The following CDKL3 variants were observed in gnomAD, a reference collection of about 807,000 sequenced individuals.
CDKL3 encodes the protein cyclin-dependent kinase-like 3.
CDKL3 carries 65 observed loss-of-function variants against 69.3 expected under a neutral mutation model. The observed-to-expected ratio is 0.94, with a 90% CI of 0.77 to 1.15. CDKL3 has a LOEUF of 1.15. Among genes scored for constraint, CDKL3 ranks in the 50% most tolerant of loss-of-function variants. The pLI, the probability that CDKL3 is intolerant of heterozygous loss-of-function variation, is 0.00. For synonymous variants in CDKL3, 202 were observed against 221.6 expected (o/e 0.91, Z 0.79); for missense variants, 652 against 689.2 (o/e 0.95, Z 0.61).
chr5:134,308,332 A>G lies in CDKL3; in HGVS notation c.1170T>C (p.Asn390=). ...TTGTATCTGGAGACATAGGATGAACATTTTCATTTGCATCCTGTTGACCAA... is the reference window on the plus strand; with the variant it reads ...TTGTATCTGGAGACATAGGATGAACGTTTTCATTTGCATCCTGTTGACCAA... ...GGLGQQDANE[N]VHPMSPDTKL... is the part of the protein sequence containing the mutation. The change falls in exon 9 of 13, where the codon AAT becomes AAC. Residue 390 remains asparagine (N), a synonymous_variant. Coordinates refer to ENST00000265334, the MANE Select transcript of CDKL3 (RefSeq NM_001113575.2). 2.5e-6 allele frequency: 4 copies of G among 1,613,882 alleles called. No homozygotes were observed. The highest frequency in any genetic ancestry group is 3.4e-6 in the Non-Finnish European group (4 of 1,179,848).
intron 12 of CDKL3, among the ~76,000 whole-genome samples, chr5:134,299,104 C>T (rs764600323): frequency 1.5e-4 from 23 of 152,132 alleles, no homozygotes; most frequent in Non-Finnish European, 3.1e-4. Flanking sequence ...GAACTCCTGG[C>T]CTCATGATCC....
Position 134,319,257 on chromosome 5 carries a change from G to T in CDKL3, c.792+101C>A, listed in dbSNP as rs1033730241. On this transcript the variant is annotated intron_variant, in intron 6 of 12. Transcript: ENST00000265334. ...GAGGCAGGAGAATCTCATGACCTGGGAGTCAGAGGTTGCAGTGAGCCGAGA... is the reference window on the plus strand; with the variant it reads ...GAGGCAGGAGAATCTCATGACCTGGTAGTCAGAGGTTGCAGTGAGCCGAGA... The T allele has an allele frequency of 7.4e-6, 6 of 811,604 alleles. No individual in the cohort carries two copies. In the African/African-American group the frequency reaches 9.2e-5, roughly 12 times the overall value. 50.3% of individuals were successfully genotyped at this position (811,604 alleles called of 1,614,324 possible). A position where few individuals can be genotyped will look rare whatever the true frequency, so the allele number is the denominator to read the frequency against.
chr5:134,369,045 C>T (rs1758045654), upstream of CDKL3, among the ~76,000 whole-genome samples: 1 of 152,110 alleles, frequency 6.6e-6, no homozygotes, highest in Non-Finnish European at 1.5e-5. Context: ...AAAAAATTTG[C>T]CCAGGACAAA....
downstream of CDKL3, among the ~76,000 whole-genome samples, chr5:134,294,675 T>TAGGA (rs564757228): frequency 2.3e-4 from 34 of 148,948 alleles, no homozygotes; most frequent in East Asian, 5.9e-3. Flanking sequence ...GAAAGGAAGG[T>TAGGA]AGGAAGGAAG....
At chr5:134,339,705 G>T (rs2149555525) in intron 4 of CDKL3, among the ~76,000 whole-genome samples, 1 of 152,260 alleles carries the variant, frequency 6.6e-6, no homozygotes, top group Admixed American at 6.5e-5. Context: ...TAAAAGGGCA[G>T]AAATTACACG....
At chr5:134,302,034 T>G in intron 12 of CDKL3, 1 of 406,564 alleles carries the variant, frequency 2.5e-6, no homozygotes, top group Non-Finnish European at 4.9e-6. Flanking sequence ...CTTAAAAGAC[T>G]GTCTTTATAG....
At chr5:134,315,227 T>A (rs1217206831) in intron 6 of CDKL3, among the ~76,000 whole-genome samples, 1 of 152,070 alleles carries the variant, frequency 6.6e-6, no homozygotes, top group Non-Finnish European at 1.5e-5. Context: ...AAAAAAAGCA[T>A]ATTGCAAGTT....
chr5:134,364,934 G>A (rs1242249748), intron 2 of CDKL3, among the ~76,000 whole-genome samples: 6 of 150,788 alleles, frequency 4.0e-5, no homozygotes, highest in Non-Finnish European at 7.4e-5. Context: ...AGCCTCCTAA[G>A]TAGCTGGGAT....
intron 3 of CDKL3, among the ~76,000 whole-genome samples, chr5:134,356,143 G>A (rs1326968170): frequency 6.6e-6 from 1 of 152,202 alleles, no homozygotes; most frequent in Non-Finnish European, 1.5e-5. Flanking sequence ...GGTCCTAACT[G>A]GGGGTTATGA....
intron 4 of CDKL3, among the ~76,000 whole-genome samples, chr5:134,331,537 T>C (rs967239579): frequency 1.3e-5 from 2 of 152,110 alleles, no homozygotes; most frequent in Admixed American, 6.6e-5. Context: ...CTCCCACTTA[T>C]GAGAACATGT....
upstream of CDKL3, chr5:134,371,256 T>C (rs989373598): frequency 6.6e-5 from 26 of 393,798 alleles, no homozygotes; most frequent in Middle Eastern, 7.6e-4. Context: ...TTTCGTGGTC[T>C]TTGAATCCAC....
intron 9 of CDKL3, among the ~76,000 whole-genome samples, chr5:134,307,444 T>A (rs1368288725): frequency 6.6e-6 from 1 of 152,220 alleles, no homozygotes; most frequent in Non-Finnish European, 1.5e-5. Flanking sequence ...CATGGACATG[T>A]CCACTTGCTC....
Position 134,335,157 on chromosome 5 carries a change from C to T in CDKL3, c.540-13254G>A, listed in dbSNP as rs1398592439. Reference sequence around the variant, plus strand: ...CAACCTCTGCTTTTTTTTTTTTTTTCCGCTTTCCATTTGCTTGGTAGATCT... The same window carrying T: ...CAACCTCTGCTTTTTTTTTTTTTTTTCGCTTTCCATTTGCTTGGTAGATCT... On this transcript the variant is annotated intron_variant, in intron 4 of 12. Coordinates refer to ENST00000265334, the MANE Select transcript of CDKL3 (RefSeq NM_001113575.2). Among the ~76,000 whole-genome samples the T allele has an allele frequency of 4.5e-3, 522 of 117,026 alleles. 4 individuals are homozygous for T. Among genetic ancestry groups the T allele is most frequent in the African/African-American group, 0.015 (470 of 31,624 alleles). 76.8% of individuals were successfully genotyped at this position (117,026 alleles called of 152,430 possible).
intron 11 of CDKL3, among the ~76,000 whole-genome samples, chr5:134,303,676 C>T (rs563432208): frequency 4.6e-5 from 7 of 151,284 alleles, no homozygotes; most frequent in East Asian, 1.9e-4. Context: ...GAACCCCCCC[C>T]CCGTCTCTAC....
intron 4 of CDKL3, among the ~76,000 whole-genome samples, chr5:134,326,827 A>ATGTGTGTGTG (rs778337033): frequency 9.7e-6 from 1 of 103,122 alleles, no homozygotes; most frequent in Non-Finnish European, 1.7e-5. Context: ...GTATATATAT[A>ATGTGTGTGTG]TATATATATA....
At chr5:134,322,579 C>T (rs898550191) in intron 4 of CDKL3, among the ~76,000 whole-genome samples, 11 of 152,272 alleles carry the variant, frequency 7.2e-5, no homozygotes, top group African/African-American at 2.6e-4. Context: ...CACTGCAGCA[C>T]TGTTCGTAGA....
intron 7 of CDKL3, among the ~76,000 whole-genome samples, chr5:134,309,833 C>G (rs994895205): frequency 6.6e-6 from 1 of 152,166 alleles, no homozygotes; most frequent in Non-Finnish European, 1.5e-5. Flanking sequence ...AATTCAATAA[C>G]TGGCATCTTT....
intron 4 of CDKL3, among the ~76,000 whole-genome samples, chr5:134,334,442 G>T (rs1202666135): frequency 6.6e-6 from 1 of 152,096 alleles, no homozygotes; most frequent in East Asian, 1.9e-4. Context: ...TTTCTCTTAT[G>T]GGCACTTAGT....
chr5:134,363,026 A>G (rs1489523419), intron 2 of CDKL3, among the ~76,000 whole-genome samples: 1 of 152,188 alleles, frequency 6.6e-6, no homozygotes, highest in East Asian at 1.9e-4. Context: ...ACACATATTC[A>G]AGTTCATCTC....
Sources: gnomAD v4.1 joint callset for allele counts (sites outside exome capture counted in the v4.1 genomes callset) on GRCh38, gnomAD v4.1.1 for gene constraint, MANE v1.5 for transcripts, NCBI Gene and HGNC (gene_info 2026-07-23, HGNC 2026-07-21) for gene names.